Variants in GHR observed in about 807,000 individuals in gnomAD.
GHR encodes the protein growth hormone receptor.
In GHR, 35 loss-of-function variants were observed where a neutral mutation model predicts 67.1. The ratio of observed to expected loss-of-function variants is 0.52; its 90% confidence interval spans 0.40 to 0.69. The LOEUF is 0.69. GHR is among the 30% of genes least tolerant of loss of function. The pLI is 0.00. For synonymous variants in GHR, 272 were observed against 269.1 expected (o/e 1.01, Z -0.10); for missense variants, 792 against 764.6 (o/e 1.04, Z -0.42).
chr5:42,672,677 T>G (rs920463722), intron 3 of GHR, among the ~76,000 whole-genome samples: 1 of 152,140 alleles, frequency 6.6e-6, no homozygotes, highest in African/African-American at 2.4e-5. Flanking sequence ...ATTATTCAAA[T>G]GTAATATCTC....
At chr5:42,592,665 A>G (rs1034507462) in intron 2 of GHR, among the ~76,000 whole-genome samples, 6 of 152,108 alleles carry the variant, frequency 3.9e-5, no homozygotes, top group African/African-American at 1.4e-4. Context: ...GTCTACTGTC[A>G]ATGGGCATTT....
chr5:42,517,975 C>G lies in GHR; in HGVS notation c.-11-47889C>G, dbSNP rs184390510. On this transcript the variant is annotated intron_variant, in intron 1 of 9. Transcript: ENST00000230882. ...GAATATGCCAGGTCCATTCACACAA[C>G]TAAGCGGCTCAGTTCTCTCAGTTCC... is the stretch of plus-strand genomic sequence containing the variant. Among the ~76,000 whole-genome samples the G allele has an allele frequency of 1.8e-3, 272 of 152,092 alleles. 1 individual carries two copies. Among genetic ancestry groups the G allele is most frequent in the African/African-American group, 6.2e-3 (258 of 41,514 alleles).
At position 42,666,069 on chromosome 5, in the gene GHR, T is replaced by G. The variant is rs572992185; in HGVS notation, c.137-22821T>G. Among the ~76,000 whole-genome samples the G allele has an allele frequency of 1.5e-4, 23 of 152,216 alleles. 1 individual carries two copies. The highest frequency in any genetic ancestry group is 5.5e-4 in the African/African-American group (23 of 41,526). On this transcript the variant is annotated intron_variant, in intron 3 of 9. Transcript: ENST00000230882. ...TGTATGGGGACACAGCCAAACCATATCACCATGACATACAATTTGCCGATT... is the reference window on the plus strand; with the variant it reads ...TGTATGGGGACACAGCCAAACCATAGCACCATGACATACAATTTGCCGATT...
intron 2 of GHR, among the ~76,000 whole-genome samples, chr5:42,627,909 T>C (rs551583623): frequency 6.6e-6 from 1 of 152,190 alleles, no homozygotes; most frequent in African/African-American, 2.4e-5. Flanking sequence ...AAACAGATCA[T>C]ACAGGGGCTC....
rs903396662 is a variant in GHR, at chr5:42,475,429, T to C, written c.-12+51474T>C. On this transcript the variant is annotated intron_variant, in intron 1 of 9. Transcript: ENST00000230882. ...AAGGAACCCTGCTAATGTGTTATTATGGTCATTTTTTTTATAAAAATTGCA... is the reference window on the plus strand; with the variant it reads ...AAGGAACCCTGCTAATGTGTTATTACGGTCATTTTTTTTATAAAAATTGCA... Among the ~76,000 whole-genome samples the C allele has an allele frequency of 3.8e-4, 45 of 119,522 alleles. 1 individual carries two copies. Among genetic ancestry groups the C allele is most frequent in the Admixed American group, 3.4e-3 (44 of 12,900 alleles). The allele number at this position is 119,522 out of a possible 152,430, so 78.4% of individuals were successfully genotyped here.
intron 1 of GHR, among the ~76,000 whole-genome samples, chr5:42,510,307 A>C (rs1022235946): frequency 6.6e-6 from 1 of 151,962 alleles, no homozygotes; most frequent in Non-Finnish European, 1.5e-5. Flanking sequence ...ATATTTGCTC[A>C]TTTTTCTCCC....
chr5:42,430,852 T>C (rs186157589), intron 1 of GHR, among the ~76,000 whole-genome samples: 5 of 152,276 alleles, frequency 3.3e-5, no homozygotes, highest in African/African-American at 1.2e-4. Flanking sequence ...GGACATGCAA[T>C]TTTCAAACCA....
intron 1 of GHR, among the ~76,000 whole-genome samples, chr5:42,438,084 G>A (rs1056330790): frequency 6.6e-6 from 1 of 152,064 alleles, no homozygotes; most frequent in Non-Finnish European, 1.5e-5. Context: ...CTCTACTTGT[G>A]GACACTCAAT....
In GHR at chr5:42,688,977, G is replaced by A; in HGVS notation, c.224G>A (p.Gly75Asp). 6.2e-7 allele frequency: 1 copy of A among 1,613,036 alleles called. No individual in the cohort carries two copies. The highest frequency in any genetic ancestry group is 8.5e-7 in the Non-Finnish European group (1 of 1,179,044). Residue 75 changes from glycine to aspartate, a missense_variant, in exon 4 of 10, where the codon GGT (glycine) becomes GAT (aspartate). Gly to Asp is a moderately conservative substitution (Grantham distance 94, BLOSUM62 -1). Transcript: ENST00000230882. ...CACTGGACAGATGAGGTTCATCATG[G>A]TACAAAGAACCTAGGACCCATACAG... ...SCHWTDEVHH[G>D]TKNLGPIQLF...
intron 1 of GHR, among the ~76,000 whole-genome samples, chr5:42,483,960 G>A (rs1305020888): frequency 1.3e-5 from 2 of 152,016 alleles, no homozygotes; most frequent in African/African-American, 4.8e-5. Context: ...CCAGCCTACT[G>A]TTGTCTCTGT....
At chr5:42,495,378 T>G (rs1433797550) in intron 1 of GHR, among the ~76,000 whole-genome samples, 2 of 152,106 alleles carry the variant, frequency 1.3e-5, no homozygotes, top group Non-Finnish European at 2.9e-5. Flanking sequence ...CCCTCAGTGA[T>G]TCATTAATTA....
chr5:42,468,355 T>C (rs1744830715), intron 1 of GHR: 1 of 1,494,682 alleles, frequency 6.7e-7, no homozygotes, highest in South Asian at 1.2e-5. Context: ...CGCCTATAGC[T>C]GGGAGCTGCC....
At chr5:42,473,537 A>C (rs1186448486) in intron 1 of GHR, among the ~76,000 whole-genome samples, 1 of 152,220 alleles carries the variant, frequency 6.6e-6, no homozygotes, top group African/African-American at 2.4e-5. Flanking sequence ...CCTTATTCTT[A>C]AGGCAAAGCT....
intron 1 of GHR, among the ~76,000 whole-genome samples, chr5:42,452,774 C>T (rs1161387022): frequency 6.6e-6 from 1 of 151,966 alleles, no homozygotes; most frequent in African/African-American, 2.4e-5. Context: ...ATCTATTTCT[C>T]TGGAGAAAAT....
chr5:42,630,568 G>A (rs1251802645), intron 3 of GHR, among the ~76,000 whole-genome samples: 1 of 131,888 alleles, frequency 7.6e-6, no homozygotes, highest in East Asian at 2.0e-4. Flanking sequence ...AGTTGTGCCA[G>A]ACCACAAATC....
chr5:42,662,512 A>C (rs922677504), intron 3 of GHR, among the ~76,000 whole-genome samples: 1 of 152,220 alleles, frequency 6.6e-6, no homozygotes, highest in African/African-American at 2.4e-5. Context: ...ACTACTGGGT[A>C]CATAACAAAA....
chr5:42,631,050 G>T (rs1753904375), intron 3 of GHR, among the ~76,000 whole-genome samples: 1 of 151,676 alleles, frequency 6.6e-6, no homozygotes, highest in Non-Finnish European at 1.5e-5. Flanking sequence ...CCTGTCTCCT[G>T]TCCATATCAC....
intron 1 of GHR, among the ~76,000 whole-genome samples, chr5:42,436,596 G>T (rs533734544): frequency 4.3e-4 from 65 of 152,170 alleles, no homozygotes; most frequent in Non-Finnish European, 6.9e-4. Context: ...TTGATACATG[G>T]CTAATAACAG....
chr5:42,557,246 T>G (rs985805485), intron 1 of GHR, among the ~76,000 whole-genome samples: 2 of 152,148 alleles, frequency 1.3e-5, no homozygotes, highest in Non-Finnish European at 2.9e-5. Flanking sequence ...CACTTTACAT[T>G]ATGATGGTCC....
Sources: allele counts gnomAD v4.1 joint callset (sites outside exome capture counted in the v4.1 genomes callset), GRCh38; gene constraint gnomAD v4.1.1; transcripts MANE v1.5; gene names NCBI Gene and HGNC (gene_info 2026-07-23, HGNC 2026-07-21).